The following MLXIP variants were observed in gnomAD, a reference collection of about 807,000 sequenced individuals.
MLXIP encodes MLX interacting protein.
MLXIP carries 30 observed loss-of-function variants against 87.2 expected under a neutral mutation model. The ratio of observed to expected loss-of-function variants is 0.34; its 90% CI spans 0.26 to 0.47. The LOEUF is 0.47. MLXIP is among the 20% of genes least tolerant of loss of function. MLXIP has a pLI of 1.00. For synonymous variants in MLXIP, 530 were observed against 514.0 expected (o/e 1.03, Z -0.42); for missense variants, 1,002 against 1,240.1 (o/e 0.81, Z 2.88).
chr12:122,121,307 C>CTTT (rs35967072), intron 1 of MLXIP, among the ~76,000 whole-genome samples: 9 of 118,224 alleles, frequency 7.6e-5, no homozygotes, highest in African/African-American at 1.3e-4. Flanking sequence ...TGTGCCCAGC[C>CTTT]TTTTTTTTTT....
At chr12:122,121,249 C>G (rs1169387773) in intron 1 of MLXIP, among the ~76,000 whole-genome samples, 1 of 149,658 alleles carries the variant, frequency 6.7e-6, no homozygotes, top group Non-Finnish European at 1.5e-5. Context: ...ACCTCATGAT[C>G]TGCCTGCCTC....
At chr12:122,093,757 GTAGT>G in intron 1 of MLXIP, among the ~76,000 whole-genome samples, 1 of 143,642 alleles carries the variant, frequency 7.0e-6, no homozygotes, top group Admixed American at 6.9e-5. Flanking sequence ...TGGTGTGGGT[GTAGT>G]GTGTGTGTGG....
chr12:122,096,656 C>T (rs1952356378), intron 1 of MLXIP, among the ~76,000 whole-genome samples: 1 of 152,216 alleles, frequency 6.6e-6, no homozygotes, highest in Non-Finnish European at 1.5e-5. Flanking sequence ...TCACATTTGT[C>T]CAGCAGCCTG....
At chr12:122,127,421 G>C in intron 2 of MLXIP, 59 bp downstream of exon 2, 1 of 1,236,090 alleles carries the variant, frequency 8.1e-7, no homozygotes, top group African/African-American at 1.5e-5. Flanking sequence ...CTGGAGGCCT[G>C]GGCACCCAGG....
chr12:122,125,491 G>A (rs1319638014), intron 1 of MLXIP, among the ~76,000 whole-genome samples: 1 of 152,178 alleles, frequency 6.6e-6, no homozygotes, highest in East Asian at 1.9e-4. Context: ...CTTTCATTTA[G>A]TCCTTATTAA....
At chr12:122,118,871 A>G (rs1256361331) in intron 1 of MLXIP, among the ~76,000 whole-genome samples, 1 of 150,758 alleles carries the variant, frequency 6.6e-6, no homozygotes, top group Non-Finnish European at 1.5e-5. Flanking sequence ...GATAATAAAA[A>G]TAAAAAACAC....
chr12:122,119,506 C>T (rs1424315965), intron 1 of MLXIP, among the ~76,000 whole-genome samples: 6 of 152,122 alleles, frequency 3.9e-5, no homozygotes, highest in African/African-American at 1.4e-4. Context: ...ATTCTCCTGC[C>T]GCAGCCTCCC....
chr12:122,119,012 A>G (rs1391168961), intron 1 of MLXIP, among the ~76,000 whole-genome samples: 1 of 151,764 alleles, frequency 6.6e-6, no homozygotes, highest in Non-Finnish European at 1.5e-5. Context: ...TAAAAATACA[A>G]AAAATTAGCT....
Position 122,141,960 on chromosome 12 carries a change from C to T in MLXIP, c.*148C>T. The T allele has an allele frequency of 7.9e-7, 1 of 1,270,910 alleles. No individual in the cohort carries two copies. The highest frequency in any genetic ancestry group is 1.1e-6 in the Non-Finnish European group (1 of 928,698). 78.7% of individuals were successfully genotyped at this position (1,270,910 alleles called of 1,614,324 possible). A position where few individuals can be genotyped will look rare whatever the true frequency, so the allele number is the denominator to read the frequency against. On this transcript the variant is annotated 3_prime_UTR_variant, in exon 17 of 17. Coordinates refer to ENST00000319080, the MANE Select transcript of MLXIP (RefSeq NM_014938.6). ...CCCACCGTGGCATCGGGAGGCCATG[C>T]TCAGGTCTGAAGCAGGTTTGGGGCC...
chr12:122,128,396 GTC>G (rs1341285214), intron 3 of MLXIP: 4 of 165,780 alleles, frequency 2.4e-5, no homozygotes, highest in Admixed American at 6.0e-5. Context: ...GTCTAGGCAT[GTC>G]TCACTGTTAA....
rs1480245408 is a variant in MLXIP at position 122,143,593 on chromosome 12, G to C, written c.*1781G>C. On this transcript the variant is annotated 3_prime_UTR_variant, in exon 17 of 17. Transcript: ENST00000319080. ...CGTGGTAGGAATTCCACCAAGGCCA[G>C]AAGGGAAAAAGGAAGAACCCACCGT... The C allele has an allele frequency of 3.9e-5, 6 of 152,344 alleles. No homozygotes were observed. Among genetic ancestry groups the C allele is most frequent in the African/African-American group, 1.4e-4 (6 of 41,458 alleles). The allele number at this position is 152,344 out of a possible 1,614,324, so 9.4% of individuals were successfully genotyped here. A position where few individuals can be genotyped will look rare whatever the true frequency, so the allele number is the denominator to read the frequency against.
intron 1 of MLXIP, among the ~76,000 whole-genome samples, chr12:122,125,324 T>G (rs1182381646): frequency 8.8e-6 from 1 of 113,960 alleles, no homozygotes; most frequent in Non-Finnish European, 1.8e-5. Flanking sequence ...AGAGCGAGAC[T>G]CCATCTCAAA....
intron 15 of MLXIP, 37 bp downstream of exon 15, chr12:122,138,975 C>T (rs372026364): frequency 1.5e-5 from 24 of 1,611,526 alleles, no homozygotes; most frequent in African/African-American, 1.3e-5. Flanking sequence ...TCCCGGCCCT[C>T]AGCCAATGCA....
At chr12:122,112,165 C>T (rs1290315625) in intron 1 of MLXIP, among the ~76,000 whole-genome samples, 1 of 152,050 alleles carries the variant, frequency 6.6e-6, no homozygotes, top group African/African-American at 2.4e-5. Context: ...ATGCAGGGCC[C>T]AGAACAAGCC....
chr12:122,124,089 A>G (rs11057654), intron 1 of MLXIP, among the ~76,000 whole-genome samples: 76,423 of 151,262 alleles, frequency 0.51, 19,841 homozygotes, highest in Middle Eastern at 0.64. Context: ...GACGCTGAGC[A>G]CAGAGGCATG....
At chr12:122,086,472 G>C (rs999254544) in intron 1 of MLXIP, among the ~76,000 whole-genome samples, 3 of 152,184 alleles carry the variant, frequency 2.0e-5, no homozygotes, top group African/African-American at 7.2e-5. Context: ...TATAATAGAA[G>C]TGTTGTAGAA....
intron 1 of MLXIP, among the ~76,000 whole-genome samples, chr12:122,103,195 GTATGTATTTATTTATT>G (rs1316509648): frequency 2.1e-4 from 16 of 77,908 alleles, no homozygotes; most frequent in Admixed American, 7.3e-4. Context: ...ATGTATGTAT[GTATGTATTTATTTATT>G]TATTTATTTA....
chr12:122,119,642 C>T (rs1039268699), intron 1 of MLXIP, among the ~76,000 whole-genome samples: 5 of 152,228 alleles, frequency 3.3e-5, no homozygotes, highest in South Asian at 2.1e-4. Flanking sequence ...CCACCCTCCT[C>T]GGCCTCCCAA....
chr12:122,130,256 G>A, intron 6 of MLXIP, 144 bp downstream of exon 6: 5 of 870,762 alleles, frequency 5.7e-6, no homozygotes, highest in Non-Finnish European at 6.9e-6. Context: ...GGGAAGGATG[G>A]CTGGCCTCAT....
Sources: allele counts gnomAD v4.1 joint callset (sites outside exome capture counted in the v4.1 genomes callset), GRCh38; gene constraint gnomAD v4.1.1; transcripts MANE v1.5; gene names NCBI Gene and HGNC (gene_info 2026-07-23, HGNC 2026-07-21).